SMCHD1: variants seen among roughly 807,000 people sequenced by gnomAD.
SMCHD1 encodes the protein structural maintenance of chromosomes flexible hinge domain containing 1.
Under a neutral mutation model 254.7 loss-of-function variants are expected in SMCHD1, and 78 were observed. The observed-to-expected ratio is 0.31, with a 90% confidence interval of 0.26 to 0.37. The LOEUF is 0.37. Among genes scored for constraint, SMCHD1 ranks in the 10% least tolerant of loss-of-function variants. The pLI is 1.00. For synonymous variants in SMCHD1, 766 were observed against 794.9 expected (o/e 0.96, Z 0.61); for missense variants, 1,840 against 2,408.1 (o/e 0.76, Z 4.94).
intron 45 of SMCHD1, among the ~76,000 whole-genome samples, chr18:2,787,068 C>A (rs868512193): frequency 1.3e-5 from 2 of 152,170 alleles, no homozygotes; most frequent in Non-Finnish European, 2.9e-5. Flanking sequence ...GCATACACTT[C>A]TTCTGGCTGA....
At position 2,772,454 on chromosome 18, in the gene SMCHD1, A is replaced by G. The variant is rs879133214; in HGVS notation, c.5175+82A>G. On this transcript the variant is annotated intron_variant, in intron 41 of 47. Transcript: ENST00000320876. ...AAACGGGTCTTCTAAAAGTGACAAA[A>G]AAGTGTCAGGTTCTTTGTAATTTAC... 11 of 1,207,514 alleles carry G rather than the reference A, an allele frequency of 9.1e-6. No individual in the cohort carries two copies. The South Asian group carries it at 2.3e-4, about 25-fold the overall frequency. The allele number at this position is 1,207,514 out of a possible 1,614,324, so 74.8% of individuals were successfully genotyped here.
chr18:2,753,929 T>C (rs1453285218), intron 34 of SMCHD1, among the ~76,000 whole-genome samples: 1 of 152,194 alleles, frequency 6.6e-6, no homozygotes, highest in Non-Finnish European at 1.5e-5. Context: ...GGCATCACAC[T>C]TACTCTTAAT....
chr18:2,689,973 C>T (rs866132576), intron 7 of SMCHD1, among the ~76,000 whole-genome samples: 2 of 151,674 alleles, frequency 1.3e-5, no homozygotes, highest in Middle Eastern at 6.8e-3. Flanking sequence ...TATGATCATG[C>T]CACTACATTC....
chr18:2,761,815 C>T (rs2075790689), intron 35 of SMCHD1, among the ~76,000 whole-genome samples: 3 of 151,966 alleles, frequency 2.0e-5, no homozygotes, highest in Admixed American at 2.0e-4. Context: ...GAGACTCTGT[C>T]TCAAAAAAAC....
At chr18:2,794,303 G>A (rs761580083) in intron 45 of SMCHD1, among the ~76,000 whole-genome samples, 9 of 152,202 alleles carry the variant, frequency 5.9e-5, no homozygotes, top group South Asian at 4.1e-4. Flanking sequence ...CCCAAAGGTC[G>A]AACAGCATAG....
chr18:2,791,442 G>A (rs558510609), intron 45 of SMCHD1, among the ~76,000 whole-genome samples: 1 of 152,276 alleles, frequency 6.6e-6, no homozygotes, highest in Non-Finnish European at 1.5e-5. Context: ...TGGGCCTGGT[G>A]GCTCGCTCCT....
intron 1 of SMCHD1, among the ~76,000 whole-genome samples, chr18:2,665,940 A>AG (rs2073423278): frequency 6.6e-6 from 1 of 152,254 alleles, no homozygotes; most frequent in Non-Finnish European, 1.5e-5. Context: ...TTATAGTAGC[A>AG]GAAAAAATGA....
At chr18:2,695,470 CAACT>C (rs1304044578) in intron 8 of SMCHD1, among the ~76,000 whole-genome samples, 2 of 152,062 alleles carry the variant, frequency 1.3e-5, no homozygotes, top group African/African-American at 4.8e-5. Flanking sequence ...CCACCACACT[CAACT>C]AATTTTTGTA....
chr18:2,707,396 G>A (rs1327040310), intron 15 of SMCHD1, 167 bp from the exon 16 acceptor site: 2 of 407,236 alleles, frequency 4.9e-6, no homozygotes, highest in Non-Finnish European at 8.8e-6. Flanking sequence ...CACAGGAATG[G>A]TTAGGGAGGA....
At chr18:2,791,121 G>A (rs1163882926) in intron 45 of SMCHD1, among the ~76,000 whole-genome samples, 1 of 152,116 alleles carries the variant, frequency 6.6e-6, no homozygotes, top group African/African-American at 2.4e-5. Context: ...AAGATATAAT[G>A]GGAGAGGAAA....
At chr18:2,664,260 A>G (rs2073374581) in intron 1 of SMCHD1, among the ~76,000 whole-genome samples, 1 of 152,190 alleles carries the variant, frequency 6.6e-6, no homozygotes, top group Admixed American at 6.5e-5. Flanking sequence ...AATATTGTCT[A>G]ATGTCCCTGT....
rs754796550 is a variant in SMCHD1, at chr18:2,678,619, TG to T, written c.638+4475del. ...GGCGTGAGCCCCACCGCGCCTGGCT[TG>T]TCTTTTCTAATTATGTAATTACCGC... On this transcript the variant is annotated intron_variant, in intron 5 of 47. Coordinates refer to ENST00000320876, the MANE Select transcript of SMCHD1 (RefSeq NM_015295.3). 1.4e-4 allele frequency among the ~76,000 whole-genome samples: 22 copies of T among 152,002 alleles called. 1 individual carries two copies. Among genetic ancestry groups the T allele is most frequent in the Non-Finnish European group, 2.5e-4 (17 of 67,968 alleles).
Position 2,709,246 on chromosome 18 carries a change from A to ATATATATATATATATATATATATATATG in SMCHD1, c.2260+1330_2260+1331insTATATATATATATATATATATATGTATA, listed in dbSNP as rs759808617. ...TGTGTATATGTGTATATATATATAT[A>ATATATATATATATATATATATATATATG]TATACACACACACATGTATACACAT... On this transcript the variant is annotated intron_variant, in intron 17 of 47. Transcript: ENST00000320876. Among the ~76,000 whole-genome samples the ATATATATATATATATATATATATATATG allele has an allele frequency of 2.9e-3, 315 of 107,374 alleles. 2 individuals carry two copies. The highest frequency in any genetic ancestry group is 0.017 in the East Asian group (53 of 3,044). 70.4% of individuals were successfully genotyped at this position (107,374 alleles called of 152,430 possible).
chr18:2,678,861 T>TC (rs2073850039), intron 5 of SMCHD1, among the ~76,000 whole-genome samples: 1 of 143,032 alleles, frequency 7.0e-6, no homozygotes, highest in Admixed American at 7.2e-5. Context: ...TTTTGTTTTT[T>TC]TTTTTGAGAG....
intron 16 of SMCHD1, 69 bp from the exon 17 acceptor site, chr18:2,707,738 A>G (rs1196758254): frequency 2.7e-6 from 4 of 1,476,032 alleles, no homozygotes; most frequent in Non-Finnish European, 3.7e-6. Flanking sequence ...TTAAAATGCA[A>G]TGGGAAGATT....
intron 5 of SMCHD1, among the ~76,000 whole-genome samples, chr18:2,676,493 A>C (rs1288279801): frequency 6.6e-6 from 1 of 152,170 alleles, no homozygotes; most frequent in Non-Finnish European, 1.5e-5. Context: ...CAAAGCAAAG[A>C]CTGAAATTGT....
intron 42 of SMCHD1, among the ~76,000 whole-genome samples, chr18:2,777,067 C>CT (rs749995953): frequency 6.1e-5 from 9 of 147,930 alleles, no homozygotes; most frequent in East Asian, 2.2e-4. Flanking sequence ...CCACCTCCCC[C>CT]CCCCATACCC....
chr18:2,667,625 T>G (rs1212115274), intron 3 of SMCHD1, among the ~76,000 whole-genome samples: 2 of 152,194 alleles, frequency 1.3e-5, no homozygotes, highest in East Asian at 3.8e-4. Context: ...TATGTGTATT[T>G]GCAGGAAATT....
intron 44 of SMCHD1, among the ~76,000 whole-genome samples, chr18:2,782,421 TC>T (rs1173001515): frequency 6.6e-6 from 1 of 152,096 alleles, no homozygotes; most frequent in Non-Finnish European, 1.5e-5. Context: ...TAATAGAAAA[TC>T]TATACATTTT....
Sources: gnomAD v4.1 joint callset for allele counts (sites outside exome capture counted in the v4.1 genomes callset) on GRCh38, gnomAD v4.1.1 for gene constraint, MANE v1.5 for transcripts, NCBI Gene and HGNC (gene_info 2026-07-23, HGNC 2026-07-21) for gene names.